The following CDH9 variants were observed in gnomAD, a reference collection of about 807,000 sequenced individuals.
CDH9 encodes the protein cadherin-9.
Under a neutral mutation model 70.9 loss-of-function variants are expected in CDH9, and 28 were observed. That is an observed-to-expected ratio of 0.40 (90% CI 0.29 to 0.54). The LOEUF is 0.54. Ranked by LOEUF, CDH9 falls within the 20% of genes least tolerant of loss-of-function variation. The pLI, the probability that CDH9 is intolerant of heterozygous loss-of-function variation, is 0.59. For synonymous variants in CDH9, 409 were observed against 343.1 expected, an observed-to-expected ratio of 1.19 and a Z score of -2.12; for missense variants, 874 against 984.4, an observed-to-expected ratio of 0.89 and a Z score of 1.50.
chr5:26,933,552 G>A (rs770344680), intron 2 of CDH9, among the ~76,000 whole-genome samples: 1 of 151,844 alleles, frequency 6.6e-6, no homozygotes, highest in Non-Finnish European at 1.5e-5. Flanking sequence ...CGAGGCGGGT[G>A]GATCACAAGT....
chr5:26,998,135 T>G (rs1242798786), intron 1 of CDH9, among the ~76,000 whole-genome samples: 1 of 152,226 alleles, frequency 6.6e-6, no homozygotes, highest in Non-Finnish European at 1.5e-5. Flanking sequence ...TAAGTCCATG[T>G]GTTAATACTT....
At chr5:26,937,787 A>T (rs549884127) in intron 2 of CDH9, among the ~76,000 whole-genome samples, 1 of 152,234 alleles carries the variant, frequency 6.6e-6, no homozygotes, top group East Asian at 1.9e-4. Flanking sequence ...TGAAGCAAGT[A>T]CAATGTTCAG....
intron 2 of CDH9, among the ~76,000 whole-genome samples, chr5:26,934,829 G>A (rs1264883638): frequency 1.3e-5 from 2 of 151,692 alleles, no homozygotes; most frequent in Non-Finnish European, 2.9e-5. Flanking sequence ...ATTTAAGAAA[G>A]AATTGCTACA....
At chr5:26,961,689 C>A (rs1007204536) in intron 2 of CDH9, among the ~76,000 whole-genome samples, 2 of 152,084 alleles carry the variant, frequency 1.3e-5, no homozygotes, top group Non-Finnish European at 2.9e-5. Flanking sequence ...TCCACTCAAA[C>A]CAACCAATTA....
intron 2 of CDH9, among the ~76,000 whole-genome samples, chr5:26,948,990 G>C (rs1741799973): frequency 6.6e-6 from 1 of 152,020 alleles, no homozygotes; most frequent in African/African-American, 2.4e-5. Flanking sequence ...CTTATCCACT[G>C]GTGCCAGACT....
At chr5:26,949,534 A>C (rs2054486) in intron 2 of CDH9, among the ~76,000 whole-genome samples, 129,948 of 152,220 alleles carry the variant, frequency 0.85, 55,640 homozygotes, top group East Asian at 0.99. Flanking sequence ...TGACCAATGG[A>C]AAGTTGTAGG....
intron 1 of CDH9, among the ~76,000 whole-genome samples, chr5:27,006,755 C>T (rs979286164): frequency 2.9e-4 from 44 of 152,060 alleles, no homozygotes; most frequent in Non-Finnish European, 2.2e-4. Flanking sequence ...ATAGATCATG[C>T]TGCTCCCATG....
intron 2 of CDH9, among the ~76,000 whole-genome samples, chr5:26,974,936 T>A (rs996864897): frequency 6.6e-6 from 1 of 152,170 alleles, no homozygotes; most frequent in Non-Finnish European, 1.5e-5. Flanking sequence ...CTCTAGAATC[T>A]ATCCATCCTA....
intron 11 of CDH9, among the ~76,000 whole-genome samples, chr5:26,882,736 C>T (rs1740487501): frequency 6.6e-6 from 1 of 151,704 alleles, no homozygotes; most frequent in African/African-American, 2.4e-5. Flanking sequence ...AACTGTTTGT[C>T]AGTATTATTT....
At chr5:26,905,068 A>G (rs1561189856) in intron 5 of CDH9, among the ~76,000 whole-genome samples, 1 of 152,140 alleles carries the variant, frequency 6.6e-6, no homozygotes, top group Non-Finnish European at 1.5e-5. Flanking sequence ...TCCACCAATC[A>G]AAGATCAATA....
chr5:26,976,823 T>G (rs1579489026), intron 2 of CDH9, among the ~76,000 whole-genome samples: 1 of 152,226 alleles, frequency 6.6e-6, no homozygotes, highest in East Asian at 1.9e-4. Flanking sequence ...GTCTTTTTGG[T>G]TTAATTTATA....
chr5:26,975,410 C>T (rs1438472083), intron 2 of CDH9, among the ~76,000 whole-genome samples: 1 of 152,078 alleles, frequency 6.6e-6, no homozygotes, highest in African/African-American at 2.4e-5. Context: ...TGAGTCATAC[C>T]ATCACCTATG....
intron 1 of CDH9, among the ~76,000 whole-genome samples, chr5:27,032,682 A>G (rs1743329241): frequency 6.6e-6 from 1 of 151,644 alleles, no homozygotes; most frequent in Non-Finnish European, 1.5e-5. Flanking sequence ...TTTATGAATT[A>G]CTGTAGATCA....
chr5:27,035,531 T>C (rs890523931), intron 1 of CDH9, among the ~76,000 whole-genome samples: 2 of 151,764 alleles, frequency 1.3e-5, no homozygotes, highest in Non-Finnish European at 2.9e-5. Flanking sequence ...TTGGATTATA[T>C]TTAGCATGCT....
chr5:26,992,268 C>T (rs1441440633), intron 1 of CDH9, among the ~76,000 whole-genome samples: 1 of 152,092 alleles, frequency 6.6e-6, no homozygotes, highest in African/African-American at 2.4e-5. Context: ...GGTGTGCAGA[C>T]TGGGGGTTGG....
intron 2 of CDH9, among the ~76,000 whole-genome samples, chr5:26,963,881 A>G (rs1034957098): frequency 6.6e-6 from 1 of 152,168 alleles, no homozygotes; most frequent in African/African-American, 2.4e-5. Context: ...AATAACACTG[A>G]TATGGAGTTT....
intron 5 of CDH9, among the ~76,000 whole-genome samples, chr5:26,905,389 A>C (rs1249264722): frequency 6.6e-6 from 1 of 152,118 alleles, no homozygotes; most frequent in African/African-American, 2.4e-5. Context: ...CCTCACAAAC[A>C]TAGTAAACCA....
chr5:26,944,384 C>G (rs373769061), intron 2 of CDH9, among the ~76,000 whole-genome samples: 1 of 152,156 alleles, frequency 6.6e-6, no homozygotes, highest in African/African-American at 2.4e-5. Flanking sequence ...TGGGCAGAAT[C>G]TCATGCCTGT....
Position 26,885,990 on chromosome 5 carries a change from T to C in CDH9, c.1606A>G (p.Asn536Asp). The C allele has an allele frequency of 4.3e-6, 7 of 1,611,152 alleles. No homozygotes were observed. The highest frequency in any genetic ancestry group is 5.9e-6 in the Non-Finnish European group (7 of 1,179,048). ...EPVPEFTLNP[N>D]FTIVDNKDNT... is the part of the protein sequence containing the mutation. Reference sequence around the variant, plus strand: ...CCTTTATTATCTACAATGGTGAAATTCGGATTGAGAGTAAATTCTGGCACT... The same window carrying C: ...CCTTTATTATCTACAATGGTGAAATCCGGATTGAGAGTAAATTCTGGCACT... Residue 536 changes from asparagine to aspartate, a missense_variant, in exon 10 of 12, where the codon AAT (asparagine) becomes GAT (aspartate). By Grantham distance (23) the Asn-to-Asp change is conservative. Coordinates refer to ENST00000231021, the MANE Select transcript of CDH9 (RefSeq NM_016279.4).
Sources: gnomAD v4.1 joint callset for allele counts (sites outside exome capture counted in the v4.1 genomes callset) on GRCh38, gnomAD v4.1.1 for gene constraint, MANE v1.5 for transcripts, NCBI Gene and HGNC (gene_info 2026-07-23, HGNC 2026-07-21) for gene names.